The following CUX1 variants were observed in gnomAD, a reference collection of about 807,000 sequenced individuals.
CUX1 encodes protein CASP.
CUX1 carries 31 observed loss-of-function variants against 158.8 expected under a neutral mutation model. The ratio of observed to expected loss-of-function variants is 0.20; its 90% CI spans 0.15 to 0.26. The LOEUF (loss-of-function observed/expected upper bound fraction) is 0.26, where lower values mean the gene tolerates loss of function less well. Among genes scored for constraint, CUX1 ranks in the 10% least tolerant of loss-of-function variants. CUX1 has a pLI of 1.00. For synonymous variants in CUX1, 879 were observed against 862.1 expected, an observed-to-expected ratio of 1.02 and a Z score of -0.34; for missense variants, 1,589 against 2,014.6, an observed-to-expected ratio of 0.79 and a Z score of 4.04.
intron 2 of CUX1, among the ~76,000 whole-genome samples, chr7:101,938,100 TG>T (rs1201059133): frequency 5.1e-4 from 78 of 151,984 alleles, no homozygotes; most frequent in African/African-American, 1.8e-3. Flanking sequence ...TTGATATCCA[TG>T]TTTTTTGGTG....
intron 3 of CUX1, among the ~76,000 whole-genome samples, chr7:102,042,070 A>G (rs553889809): frequency 1.8e-4 from 26 of 148,100 alleles, no homozygotes; most frequent in African/African-American, 5.4e-4. Flanking sequence ...GTGTGTGTGT[A>G]TGTGTCTTTG....
At chr7:101,864,151 C>T (rs949908717) in intron 1 of CUX1, among the ~76,000 whole-genome samples, 1 of 151,524 alleles carries the variant, frequency 6.6e-6, no homozygotes, top group Non-Finnish European at 1.5e-5. Context: ...CAGCATTTGT[C>T]ATTTTCTGGA....
At chr7:102,039,158 G>A (rs1292288759) in intron 3 of CUX1, among the ~76,000 whole-genome samples, 2 of 152,122 alleles carry the variant, frequency 1.3e-5, no homozygotes. Flanking sequence ...TCTCCTTCAC[G>A]AGCACTAAAT....
chr7:102,124,754 C>T (rs868981838), intron 8 of CUX1, among the ~76,000 whole-genome samples: 35 of 151,350 alleles, frequency 2.3e-4, no homozygotes, highest in African/African-American at 7.0e-4. Flanking sequence ...TAGTTAATGC[C>T]GGTATATTGT....
At chr7:102,259,575 G>A (rs10953359), downstream of CUX1, among the ~76,000 whole-genome samples, 18,866 of 151,710 alleles carry the variant, frequency 0.12, 1,317 homozygotes, top group Middle Eastern at 0.18. Flanking sequence ...GCGATAGAGC[G>A]AAACTCAGTC....
At chr7:102,272,133 G>A (rs782222804) in intron 14 of CUX1, among the ~76,000 whole-genome samples, 7 of 152,238 alleles carry the variant, frequency 4.6e-5, no homozygotes, top group African/African-American at 1.4e-4. Context: ...GTCCCAGGTC[G>A]GGAAGCCTCC....
At chr7:101,829,998 G>A (rs760967358) in intron 1 of CUX1, among the ~76,000 whole-genome samples, 12 of 152,332 alleles carry the variant, frequency 7.9e-5, no homozygotes, top group Middle Eastern at 3.4e-3. Context: ...CCAGAGGAGC[G>A]GCCTGCCCTA....
intron 23 of CUX1, among the ~76,000 whole-genome samples, chr7:102,244,665 G>A (rs1480892040): frequency 6.6e-6 from 1 of 152,014 alleles, no homozygotes; most frequent in Non-Finnish European, 1.5e-5. Flanking sequence ...ACTCCAGCCT[G>A]GGGAACAGAG....
chr7:102,280,958 G>T, intron 20 of CUX1: 1 of 1,081,520 alleles, frequency 9.2e-7, no homozygotes, highest in South Asian at 1.3e-5. Flanking sequence ...TGGAGGAGCC[G>T]CCAGCCCTGC....
At chr7:102,042,791 T>C (rs1646000318) in intron 3 of CUX1, among the ~76,000 whole-genome samples, 1 of 152,034 alleles carries the variant, frequency 6.6e-6, no homozygotes, top group South Asian at 2.1e-4. Context: ...TGTGATGGTT[T>C]GGGGTTTTTA....
intron 3 of CUX1, among the ~76,000 whole-genome samples, chr7:102,059,302 G>A (rs992965521): frequency 2.6e-5 from 4 of 152,088 alleles, no homozygotes; most frequent in African/African-American, 4.8e-5. Flanking sequence ...CCAAGCCAGC[G>A]GCTTCTTCGG....
chr7:101,976,320 G>T (rs971411910), intron 2 of CUX1, among the ~76,000 whole-genome samples: 1 of 152,168 alleles, frequency 6.6e-6, no homozygotes, highest in African/African-American at 2.4e-5. Flanking sequence ...GGGTATTGTA[G>T]TGTAAGGGAT....
chr7:101,847,635 G>A (rs1236877659), intron 1 of CUX1, among the ~76,000 whole-genome samples: 1 of 151,934 alleles, frequency 6.6e-6, no homozygotes, highest in Non-Finnish European at 1.5e-5. Flanking sequence ...TTAGAGATGG[G>A]GTCTTGCTGT....
intron 1 of CUX1, among the ~76,000 whole-genome samples, chr7:101,896,629 T>A (rs1445184880): frequency 6.6e-6 from 1 of 152,224 alleles, no homozygotes; most frequent in African/African-American, 2.4e-5. Context: ...CTACCGTCAC[T>A]AATATTTTTG....
At chr7:102,198,460 G>T (rs527638484) in intron 15 of CUX1, among the ~76,000 whole-genome samples, 1 of 152,180 alleles carries the variant, frequency 6.6e-6, no homozygotes, top group South Asian at 2.1e-4. Flanking sequence ...GATGTTAACC[G>T]AAATTGAATG....
chr7:102,230,322 A>ACT (rs1563452609), intron 21 of CUX1, among the ~76,000 whole-genome samples: 18 of 151,460 alleles, frequency 1.2e-4, no homozygotes, highest in African/African-American at 3.6e-4. Flanking sequence ...CAAAAAAAAA[A>ACT]TTTTTTAAAA....
intron 20 of CUX1, among the ~76,000 whole-genome samples, chr7:102,221,450 G>T (rs1311484737): frequency 6.6e-6 from 1 of 152,120 alleles, no homozygotes; most frequent in East Asian, 1.9e-4. Flanking sequence ...TGGAATTTGG[G>T]TTCTTATTAC....
intron 3 of CUX1, among the ~76,000 whole-genome samples, chr7:102,031,001 C>T (rs1400562143): frequency 6.6e-6 from 1 of 152,006 alleles, no homozygotes; most frequent in African/African-American, 2.4e-5. Flanking sequence ...TGTACCCGGC[C>T]CCTGCATTAT....
chr7:102,224,316 C>T (rs1344689414), intron 20 of CUX1, among the ~76,000 whole-genome samples: 4 of 152,190 alleles, frequency 2.6e-5, no homozygotes, highest in African/African-American at 9.6e-5. Flanking sequence ...AAGCCATTCT[C>T]CTGCCTCTGC....
Sources: allele counts gnomAD v4.1 joint callset (sites outside exome capture counted in the v4.1 genomes callset), GRCh38; gene constraint gnomAD v4.1.1; transcripts MANE v1.5; gene names NCBI Gene and HGNC (gene_info 2026-07-23, HGNC 2026-07-21).